ITPK1: variants seen among roughly 807,000 people sequenced by gnomAD.
ITPK1 encodes the protein inositol-tetrakisphosphate 1-kinase, also known as inositol 1,3,4-trisphosphate 5/6-kinase.
A neutral mutation model predicts 45.3 loss-of-function variants in ITPK1; 21 were observed. The observed-to-expected ratio is 0.46, with a 90% CI of 0.33 to 0.67. The LOEUF (loss-of-function observed/expected upper bound fraction) is 0.67. Among genes scored for constraint, ITPK1 ranks in the 30% least tolerant of loss-of-function variants. ITPK1 has a pLI of 0.02. For synonymous variants in ITPK1, 258 were observed against 253.6 expected, an observed-to-expected ratio of 1.02 and a Z score of -0.16; for missense variants, 474 against 573.5, an observed-to-expected ratio of 0.83 and a Z score of 1.77.
chr14:93,040,416 C>A (rs1889509236), intron 3 of ITPK1, among the ~76,000 whole-genome samples: 1 of 152,124 alleles, frequency 6.6e-6, no homozygotes. Flanking sequence ...GTCCACTTTG[C>A]CACTCCCCAC....
intron 7 of ITPK1, among the ~76,000 whole-genome samples, chr14:92,960,373 T>C (rs1885006082): frequency 6.6e-6 from 1 of 152,172 alleles, no homozygotes; most frequent in African/African-American, 2.4e-5. Context: ...ACCGGGCAAG[T>C]ACCAGGGCAG....
At chr14:93,077,171 C>T (rs965733970) in intron 2 of ITPK1, among the ~76,000 whole-genome samples, 46 of 152,198 alleles carry the variant, frequency 3.0e-4, no homozygotes, top group Non-Finnish European at 5.1e-4. Context: ...GCACTCATGT[C>T]CTCTACATCT....
intron 4 of ITPK1, chr14:92,998,809 GACA>G (rs1887188630): frequency 1.3e-5 from 2 of 152,118 alleles, no homozygotes; most frequent in Admixed American, 6.5e-5. Context: ...AGATGGGAAA[GACA>G]ACGAGAGATT....
intron 3 of ITPK1, among the ~76,000 whole-genome samples, chr14:93,073,768 C>T (rs910432184): frequency 3.3e-5 from 5 of 152,202 alleles, no homozygotes; most frequent in African/African-American, 9.7e-5. Flanking sequence ...GCACTCAAAT[C>T]CCAACTCCAC....
At chr14:93,003,959 T>C (rs973014896) in intron 4 of ITPK1, among the ~76,000 whole-genome samples, 4 of 152,238 alleles carry the variant, frequency 2.6e-5, no homozygotes, top group Admixed American at 1.3e-4. Flanking sequence ...TATAACATCC[T>C]TTCTGCCTCT....
chr14:93,089,650 G>T (rs1247071066), intron 2 of ITPK1, among the ~76,000 whole-genome samples: 1 of 152,202 alleles, frequency 6.6e-6, no homozygotes, highest in Non-Finnish European at 1.5e-5. Flanking sequence ...CATGAGAATG[G>T]TATGTCAGCT....
intron 5 of ITPK1, among the ~76,000 whole-genome samples, chr14:92,978,356 A>G (rs1886052201): frequency 1.3e-5 from 2 of 152,124 alleles, no homozygotes; most frequent in East Asian, 1.9e-4. Flanking sequence ...AGCAGAGCAT[A>G]AAAGTGAAAA....
At chr14:93,005,276 C>G (rs1887555736) in intron 4 of ITPK1, among the ~76,000 whole-genome samples, 1 of 152,112 alleles carries the variant, frequency 6.6e-6, no homozygotes, top group Non-Finnish European at 1.5e-5. Context: ...TTTGGTAGAG[C>G]TGGCAAAAAG....
At chr14:92,970,699 G>A (rs1013588921) in intron 5 of ITPK1, among the ~76,000 whole-genome samples, 2 of 151,612 alleles carry the variant, frequency 1.3e-5, no homozygotes, top group African/African-American at 2.4e-5. Flanking sequence ...GCAGTGGCGC[G>A]ATCTCTGCTC....
chr14:93,021,227 G>A (rs1888444923), intron 3 of ITPK1, among the ~76,000 whole-genome samples: 1 of 151,934 alleles, frequency 6.6e-6, no homozygotes, highest in Admixed American at 6.6e-5. Context: ...AAAGTTCAAA[G>A]GCCTTGCCAA....
chr14:93,088,952 T>G (rs1461853061), intron 2 of ITPK1, among the ~76,000 whole-genome samples: 1 of 152,210 alleles, frequency 6.6e-6, no homozygotes, highest in African/African-American at 2.4e-5. Flanking sequence ...TCCCCAAATC[T>G]GTCAGGAAAC....
At chr14:92,999,785 C>T (rs763631043) in intron 4 of ITPK1, among the ~76,000 whole-genome samples, 2 of 152,238 alleles carry the variant, frequency 1.3e-5, no homozygotes, top group Non-Finnish European at 2.9e-5. Context: ...ATATCATTCA[C>T]ATACGATGCA....
Position 92,940,065 on chromosome 14 carries a change from C to T in ITPK1, c.*1496G>A. On this transcript the variant is annotated 3_prime_UTR_variant, in exon 11 of 11. Transcript: ENST00000267615. ...AGCCGGGCAGTTCTGATGGCCTCTG[C>T]CCCTCGCCCAAGCCCTGTGCCTCCC... is the stretch of plus-strand genomic sequence containing the variant. 2 of 985,866 alleles carry T rather than the reference C, an allele frequency of 2.0e-6. No individual in the cohort carries two copies. The highest frequency in any genetic ancestry group is 2.4e-6 in the Non-Finnish European group (2 of 830,000). 61.1% of individuals were successfully genotyped at this position (985,866 alleles called of 1,614,324 possible).
At chr14:92,986,676 G>A (rs1029140424) in intron 5 of ITPK1, among the ~76,000 whole-genome samples, 16 of 152,170 alleles carry the variant, frequency 1.1e-4, no homozygotes, top group African/African-American at 3.9e-4. Flanking sequence ...AGGGGTTGGT[G>A]GGCTGTGGGT....
intron 3 of ITPK1, among the ~76,000 whole-genome samples, chr14:93,055,213 T>C (rs2139937189): frequency 6.6e-6 from 1 of 152,308 alleles, no homozygotes; most frequent in East Asian, 1.9e-4. Flanking sequence ...CTACAGCCAA[T>C]GGGCATGCGT....
Position 92,958,345 on chromosome 14 carries a change from C to T in ITPK1, c.526G>A (p.Glu176Lys). Reference sequence around the variant, plus strand: ...GGTGGCTGGATGGCGTTCAGGCCCTCCTGGTTGAACACGATAGCCATCTGG... The same window carrying T: ...GGTGGCTGGATGGCGTTCAGGCCCTTCTGGTTGAACACGATAGCCATCTGG... ...SHEMAIVFNQ[E>K]GLNAIQPPCV... Residue 176 changes from glutamate to lysine, a missense_variant, in exon 8 of 11, where the codon GAG (glutamate) becomes AAG (lysine). Physicochemically the swap from Glu to Lys is moderately conservative, Grantham distance 56. This residue lies in a region of ITPK1 where 367 missense variants were observed against 480.6 expected (regional missense o/e 0.76). Transcript: ENST00000267615. This position sits in a 1 kb window ranked among gnomAD's most constrained non-coding sequence, Gnocchi z 4.4. 1 of 1,614,140 alleles carries T rather than the reference C, an allele frequency of 6.2e-7. No homozygotes were observed. Among genetic ancestry groups the T allele is most frequent in the Non-Finnish European group, 8.5e-7 (1 of 1,180,020 alleles).
intron 5 of ITPK1, among the ~76,000 whole-genome samples, chr14:92,993,676 C>T (rs1886903943): frequency 6.6e-6 from 1 of 152,182 alleles, no homozygotes; most frequent in African/African-American, 2.4e-5. Flanking sequence ...CGCAAGAGCA[C>T]CCTGAGGCTT....
chr14:92,962,015 G>A (rs1339461704), intron 7 of ITPK1, among the ~76,000 whole-genome samples: 1 of 152,266 alleles, frequency 6.6e-6, no homozygotes, highest in African/African-American at 2.4e-5. Context: ...CTCCGGGGCT[G>A]TGAGAAAATA....
chr14:92,941,923 C>T lies in ITPK1; in HGVS notation c.902-19G>A. On this transcript the variant is annotated intron_variant, in intron 10 of 10. Coordinates refer to ENST00000267615, the MANE Select transcript of ITPK1 (RefSeq NM_014216.6). ...TCGTAGCCTGGGGGTGGGAGAGAGA[C>T]AGCACAAGGGGCGTGAGCCAGGGGC... The T allele has an allele frequency of 1.9e-6, 3 of 1,607,218 alleles. No individual in the cohort carries two copies. The highest frequency in any genetic ancestry group is 2.5e-6 in the Non-Finnish European group (3 of 1,177,436).
Sources: gnomAD v4.1 joint callset for allele counts (sites outside exome capture counted in the v4.1 genomes callset) on GRCh38, gnomAD v4.1.1 for gene constraint, gnomAD v4.1.1 regional missense constraint, Gnocchi (gnomAD v3.1) non-coding constraint, MANE v1.5 for transcripts, NCBI Gene and HGNC (gene_info 2026-07-23, HGNC 2026-07-21) for gene names.